The following DTD1 variants were observed in gnomAD, a reference collection of about 807,000 sequenced individuals.
The protein encoded by DTD1 is D-aminoacyl-tRNA deacylase 1.
Under a neutral mutation model 25.6 loss-of-function variants are expected in DTD1, and 13 were observed. That is an observed-to-expected ratio of 0.51 (90% confidence interval 0.33 to 0.81). The LOEUF (loss-of-function observed/expected upper bound fraction) is 0.81. Among genes scored for constraint, DTD1 ranks in the 30% least tolerant of loss-of-function variants. DTD1 has a pLI of 0.02. For synonymous variants in DTD1, 110 were observed against 103.6 expected (o/e 1.06, Z -0.37); for missense variants, 193 against 266.4 (o/e 0.72, Z 1.92).
chr20:18,695,538 T>C (rs1228878731), intron 4 of DTD1, among the ~76,000 whole-genome samples: 1 of 21,300 alleles, frequency 4.7e-5, no homozygotes, highest in African/African-American at 2.1e-4. Flanking sequence ...TCCCTTCCTT[T>C]CCCTTCCCTT....
Position 18,628,184 on chromosome 20 carries a change from TAGAGC to T in DTD1, c.429_433del (p.Glu144GlyfsTer11). ...ATTCAGAATGATGGGCCTGTGACCA[TAGAGC>T]TGGAATCGCCAGCTCCCGGCACTGC... On this transcript the variant is annotated frameshift_variant, in exon 4 of 6. Coordinates refer to ENST00000377452, the MANE Select transcript of DTD1 (RefSeq NM_080820.6). LOFTEE classifies it high-confidence loss of function. 6.2e-7 allele frequency: 1 copy of T among 1,613,954 alleles called. No individual in the cohort carries two copies. The highest frequency in any genetic ancestry group is 8.5e-7 in the Non-Finnish European group (1 of 1,179,872).
chr20:18,699,063 GA>G (rs1254043700), intron 4 of DTD1, among the ~76,000 whole-genome samples: 3 of 152,162 alleles, frequency 2.0e-5, no homozygotes, highest in Non-Finnish European at 4.4e-5. Context: ...GGGAGTTTGG[GA>G]AAGTGGATTT....
chr20:18,719,630 G>A (rs1194194594), intron 4 of DTD1, among the ~76,000 whole-genome samples: 1 of 152,228 alleles, frequency 6.6e-6, no homozygotes, highest in Non-Finnish European at 1.5e-5. Flanking sequence ...CCTGGAGACT[G>A]CGAGGGGTGA....
chr20:18,760,023 G>A (rs1280142602), intron 5 of DTD1, among the ~76,000 whole-genome samples: 1 of 152,102 alleles, frequency 6.6e-6, no homozygotes, highest in Non-Finnish European at 1.5e-5. Flanking sequence ...CCAGTTGATC[G>A]AATTGGCTAT....
intron 3 of DTD1, among the ~76,000 whole-genome samples, chr20:18,601,498 CAAAAAAAAAAAAA>C (rs1175102426): frequency 9.0e-6 from 1 of 110,626 alleles, no homozygotes. Flanking sequence ...GACTCTGTCT[CAAAAAAAAAAAAA>C]AAAAAAAAAG....
intron 4 of DTD1, among the ~76,000 whole-genome samples, chr20:18,676,164 G>A (rs1364890735): frequency 6.6e-6 from 1 of 152,152 alleles, no homozygotes; most frequent in African/African-American, 2.4e-5. Flanking sequence ...CTTGCTGTAA[G>A]TTCCCAGACC....
chr20:18,693,871 T>G (rs1401145599), intron 4 of DTD1, among the ~76,000 whole-genome samples: 1 of 152,102 alleles, frequency 6.6e-6, no homozygotes, highest in African/African-American at 2.4e-5. Context: ...AGGAGTTAGA[T>G]CTGTGCTGAC....
At chr20:18,759,330 C>G (rs944656242) in intron 5 of DTD1, among the ~76,000 whole-genome samples, 2 of 152,114 alleles carry the variant, frequency 1.3e-5, no homozygotes, top group Admixed American at 1.3e-4. Context: ...TCTTCCTAGC[C>G]TCGATGGTCT....
chr20:18,711,788 G>A (rs374824754), intron 4 of DTD1, among the ~76,000 whole-genome samples: 20 of 152,224 alleles, frequency 1.3e-4, no homozygotes, highest in African/African-American at 2.4e-5. Flanking sequence ...GCTCATGCCT[G>A]TAATCCCAAC....
chr20:18,595,904 A>G (rs1409571732), intron 2 of DTD1, 102 bp from the exon 3 acceptor site: 2 of 959,406 alleles, frequency 2.1e-6, no homozygotes, highest in Non-Finnish European at 3.3e-6. Flanking sequence ...AGTCATCATT[A>G]TGTCCTTATT....
chr20:18,734,618 AT>A (rs2122509176), intron 4 of DTD1, among the ~76,000 whole-genome samples: 1 of 152,196 alleles, frequency 6.6e-6, no homozygotes, highest in South Asian at 2.1e-4. Context: ...AGCCTAAACC[AT>A]TTTTCTGTGT....
rs5840819 is a variant in DTD1 at position 18,609,516 on chromosome 20, ATT to A, written c.370+13284_370+13285del. 3.3e-5 allele frequency among the ~76,000 whole-genome samples: 5 copies of A among 150,854 alleles called. No individual in the cohort carries two copies. In the South Asian group the frequency reaches 8.4e-4, roughly 25 times the overall value. ...CTCTCTCTGGATTAAGCAAACCCAG[ATT>A]TTTTTTTTATTAGGCCTACTTTCAA... is the stretch of plus-strand genomic sequence containing the variant. On this transcript the variant is annotated intron_variant, in intron 3 of 5. Coordinates refer to ENST00000377452, the MANE Select transcript of DTD1 (RefSeq NM_080820.6).
At chr20:18,607,792 C>A (rs1207231982) in intron 3 of DTD1, among the ~76,000 whole-genome samples, 1 of 151,986 alleles carries the variant, frequency 6.6e-6, no homozygotes, top group Non-Finnish European at 1.5e-5. Flanking sequence ...CAGCTCACTG[C>A]ACCCTCTGCC....
At chr20:18,732,144 C>T (rs1456864923) in intron 4 of DTD1, among the ~76,000 whole-genome samples, 1 of 152,138 alleles carries the variant, frequency 6.6e-6, no homozygotes, top group African/African-American at 2.4e-5. Context: ...GCTTGCTTGG[C>T]ATTTATACAA....
intron 4 of DTD1, among the ~76,000 whole-genome samples, chr20:18,723,262 G>C (rs1265988313): frequency 6.6e-6 from 1 of 152,212 alleles, no homozygotes; most frequent in African/African-American, 2.4e-5. Flanking sequence ...AGGGGCAGGG[G>C]AAGGCAGGAG....
intron 4 of DTD1, chr20:18,674,388 C>T (rs1279058089): frequency 6.6e-6 from 1 of 152,090 alleles, no homozygotes; most frequent in African/African-American, 2.4e-5. Context: ...AATATGGTCA[C>T]GATATTGAGA....
At chr20:18,597,100 A>C (rs2060615017) in intron 3 of DTD1, among the ~76,000 whole-genome samples, 1 of 151,110 alleles carries the variant, frequency 6.6e-6, no homozygotes, top group Non-Finnish European at 1.5e-5. Flanking sequence ...CTGGCTTCTC[A>C]ATAAGCTTTT....
intron 4 of DTD1, among the ~76,000 whole-genome samples, chr20:18,675,786 G>GTGTATATTTACACATATATA (rs2060969038): frequency 9.6e-4 from 6 of 6,280 alleles, no homozygotes; most frequent in African/African-American, 2.1e-3. Flanking sequence ...ACATATATAT[G>GTGTATATTTACACATATATA]TGTAAATATA....
chr20:18,704,878 A>G (rs568554810), intron 4 of DTD1, among the ~76,000 whole-genome samples: 1 of 152,306 alleles, frequency 6.6e-6, no homozygotes, highest in Non-Finnish European at 1.5e-5. Flanking sequence ...GGAAGCATAC[A>G]GGTTCCTATT....
Sources: allele counts gnomAD v4.1 joint callset (sites outside exome capture counted in the v4.1 genomes callset), GRCh38; gene constraint gnomAD v4.1.1; transcripts MANE v1.5; gene names NCBI Gene and HGNC (gene_info 2026-07-23, HGNC 2026-07-21).